Variants in WDR49 observed in about 807,000 individuals in gnomAD.
WDR49 encodes the protein WD repeat domain 49.
WDR49 carries 107 observed loss-of-function variants against 119.5 expected under a neutral mutation model. The ratio of observed to expected loss-of-function variants is 0.90; its 90% CI spans 0.77 to 1.05. WDR49 has a LOEUF of 1.05. Among genes scored for constraint, WDR49 ranks in the 50% least tolerant of loss-of-function variants. The pLI is 0.00. For synonymous variants in WDR49, 425 were observed against 418.8 expected (o/e 1.01, Z -0.18); for missense variants, 1,240 against 1,220.5 (o/e 1.02, Z -0.24).
intron 2 of WDR49, chr3:167,633,549 G>C (rs779826495): frequency 6.7e-6 from 3 of 446,460 alleles, no homozygotes; most frequent in South Asian, 4.8e-5. Context: ...TTGGCAGAAA[G>C]TAATTCCACA....
At chr3:167,639,259 G>T (rs1291023909) in intron 2 of WDR49, among the ~76,000 whole-genome samples, 1 of 151,724 alleles carries the variant, frequency 6.6e-6, no homozygotes, top group African/African-American at 2.4e-5. Context: ...TGGCAAAGAA[G>T]TTTATGCATC....
At chr3:167,548,367 T>C (rs1399359840) in intron 10 of WDR49, among the ~76,000 whole-genome samples, 1 of 152,058 alleles carries the variant, frequency 6.6e-6, no homozygotes, top group East Asian at 1.9e-4. Context: ...CATAGTCATG[T>C]TAGTTAAAAA....
intron 7 of WDR49, among the ~76,000 whole-genome samples, chr3:167,582,932 G>A (rs1475081508): frequency 2.6e-5 from 4 of 151,352 alleles, no homozygotes; most frequent in Admixed American, 1.3e-4. Flanking sequence ...AATAGAGCAA[G>A]ACTTTGTCTC....
chr3:167,549,566 T>G (rs1004498277), intron 10 of WDR49, among the ~76,000 whole-genome samples: 1 of 152,222 alleles, frequency 6.6e-6, no homozygotes, highest in Non-Finnish European at 1.5e-5. Flanking sequence ...TAAATTTGTT[T>G]AAGTTCTTCG....
At chr3:167,575,270 C>T in intron 8 of WDR49, 1 of 985,810 alleles carries the variant, frequency 1.0e-6, no homozygotes, top group South Asian at 4.7e-5. Context: ...GCCTGGGCCG[C>T]CCTGTCCTCC....
intron 11 of WDR49, among the ~76,000 whole-genome samples, chr3:167,535,533 C>A (rs1752989514): frequency 6.6e-6 from 1 of 152,062 alleles, no homozygotes; most frequent in Admixed American, 6.6e-5. Context: ...ATCAAAACAA[C>A]CTAAGTGAGT....
chr3:167,563,048 G>C (rs2108272492), intron 8 of WDR49, among the ~76,000 whole-genome samples: 1 of 152,294 alleles, frequency 6.6e-6, no homozygotes, highest in Non-Finnish European at 1.5e-5. Flanking sequence ...CTATGACAGT[G>C]AATGTAGACA....
intron 10 of WDR49, among the ~76,000 whole-genome samples, chr3:167,544,507 G>C (rs1387806472): frequency 1.3e-5 from 2 of 151,542 alleles, no homozygotes; most frequent in African/African-American, 4.8e-5. Context: ...AAATAGACCA[G>C]AGGGACAAAA....
intron 3 of WDR49, among the ~76,000 whole-genome samples, chr3:167,622,398 C>A (rs551022116): frequency 6.6e-6 from 1 of 151,906 alleles, no homozygotes; most frequent in East Asian, 1.9e-4. Flanking sequence ...AAGAAAGAAA[C>A]AAATGAGAAT....
intron 18 of WDR49, among the ~76,000 whole-genome samples, chr3:167,488,122 A>C (rs1750992303): frequency 6.7e-6 from 1 of 148,776 alleles, no homozygotes; most frequent in Non-Finnish European, 1.5e-5. Context: ...GATGGATTGG[A>C]TAAAGAAAAT....
Position 167,478,956 on chromosome 3 carries a change from C to G in WDR49, c.3072G>C (p.Lys1024Asn), listed in dbSNP as rs1415640405. 1.4e-5 allele frequency: 22 copies of G among 1,608,340 alleles called. No homozygotes were observed. The highest frequency in any genetic ancestry group is 1.8e-5 in the Non-Finnish European group (21 of 1,178,634). Residue 1024 changes from lysine (K) to asparagine (N), a missense_variant, in exon 19 of 19, where the codon AAG (lysine) becomes AAC (asparagine). Lys to Asn is a moderately conservative substitution (Grantham distance 94). Coordinates refer to ENST00000682715, the MANE Select transcript of WDR49 (RefSeq NM_001366157.1). ...CTTTTCGTTCATGATGCAGAATTTCCTTGGGAAACAGGTTTTTCTCATCAA... is the reference window on the plus strand; with the variant it reads ...CTTTTCGTTCATGATGCAGAATTTCGTTGGGAAACAGGTTTTTCTCATCAA... ...AVFDEKNLFP[K>N]EILHHERKAK...
chr3:167,526,973 C>T (rs531464063), intron 15 of WDR49, among the ~76,000 whole-genome samples: 5 of 152,024 alleles, frequency 3.3e-5, no homozygotes, highest in East Asian at 1.9e-4. Context: ...ATATTTTGTC[C>T]GCAAAAGCAC....
chr3:167,536,716 T>C (rs534668296), intron 11 of WDR49, among the ~76,000 whole-genome samples, 154 bp downstream of exon 11: 1,788 of 135,554 alleles, frequency 0.013, 27 homozygotes, highest in African/African-American at 0.046. Flanking sequence ...CACACACATA[T>C]ATATATATAT....
intron 7 of WDR49, among the ~76,000 whole-genome samples, chr3:167,584,135 G>T (rs1421178006): frequency 2.6e-5 from 4 of 152,060 alleles, no homozygotes; most frequent in African/African-American, 9.7e-5. Flanking sequence ...TAGAAAAAAA[G>T]TTAGTTGAAA....
chr3:167,621,776 T>G (rs1716883417), intron 3 of WDR49, 133 bp from the exon 4 acceptor site: 3 of 850,396 alleles, frequency 3.5e-6, no homozygotes, highest in African/African-American at 1.7e-5. Flanking sequence ...ATTACAGAAG[T>G]TAAGAACAGC....
chr3:167,572,099 G>T (rs919508902), intron 8 of WDR49, among the ~76,000 whole-genome samples: 3 of 152,150 alleles, frequency 2.0e-5, no homozygotes, highest in Non-Finnish European at 4.4e-5. Flanking sequence ...TAAGAACTAA[G>T]TGCAAAGATG....
At chr3:167,610,769 C>A (rs191183630) in intron 5 of WDR49, among the ~76,000 whole-genome samples, 20 of 152,348 alleles carry the variant, frequency 1.3e-4, no homozygotes, top group African/African-American at 4.6e-4. Context: ...TCTCACCCAG[C>A]ACAGTCATAG....
At chr3:167,553,273 G>A (rs1712683307) in intron 10 of WDR49, among the ~76,000 whole-genome samples, 1 of 151,990 alleles carries the variant, frequency 6.6e-6, no homozygotes, top group African/African-American at 2.4e-5. Flanking sequence ...AAAACATGAA[G>A]GAAGATGGAA....
chr3:167,478,909 T>C lies in WDR49; in HGVS notation c.3119A>G (p.Lys1040Arg), dbSNP rs777312643. ...ERKAKQLCQE[K>R]SCEVKKNKK The stretch of plus-strand genomic sequence containing the variant: ...CTTATTTTTCTTCACTTCACAACTT[T>C]TTTCTTGGCATAATTGCTTGGCTTT... The change falls in exon 19 of 19, where the codon AAA becomes AGA. Residue 1040 changes from lysine (K) to arginine (R), a missense_variant. Lys to Arg is a conservative substitution (Grantham distance 26). Coordinates refer to ENST00000682715, the MANE Select transcript of WDR49 (RefSeq NM_001366157.1). The C allele has an allele frequency of 1.6e-5, 26 of 1,608,196 alleles. 1 individual carries two copies. The South Asian group carries it at 2.9e-4, about 18-fold the overall frequency.
Sources: allele counts gnomAD v4.1 joint callset (sites outside exome capture counted in the v4.1 genomes callset), GRCh38; gene constraint gnomAD v4.1.1; transcripts MANE v1.5; gene names NCBI Gene and HGNC (gene_info 2026-07-23, HGNC 2026-07-21).